The following THRB variants were observed in gnomAD, a reference collection of about 807,000 sequenced individuals.
The protein encoded by THRB is nuclear receptor subfamily 1 group A member 2.
In THRB, 12 loss-of-function variants were observed where a neutral mutation model predicts 47.8. The observed-to-expected ratio is 0.25, with a 90% CI of 0.16 to 0.41. The LOEUF (loss-of-function observed/expected upper bound fraction) is 0.41, where lower values mean the gene tolerates loss of function less well. Ranked by LOEUF, THRB falls within the 10% of genes least tolerant of loss-of-function variation. The pLI, the probability that THRB is intolerant of heterozygous loss-of-function variation, is 1.00. For missense variants in THRB, 348 were observed against 589.2 expected, an observed-to-expected ratio of 0.59 and a Z score of 4.24; for synonymous variants, 218 against 212.2, an observed-to-expected ratio of 1.03 and a Z score of -0.24.
intron 4 of THRB, among the ~76,000 whole-genome samples, chr3:24,200,495 T>G (rs990586981): frequency 6.6e-6 from 1 of 152,196 alleles, no homozygotes; most frequent in South Asian, 2.1e-4. Flanking sequence ...ATCTCAGTAC[T>G]TGGCAGCAAA....
chr3:24,344,405 C>T (rs2062872517), intron 1 of THRB, among the ~76,000 whole-genome samples: 1 of 151,962 alleles, frequency 6.6e-6, no homozygotes, highest in African/African-American at 2.4e-5. Flanking sequence ...TTCAGATAAG[C>T]CAAATTTGTT....
At chr3:24,297,106 A>G (rs2056511336) in intron 3 of THRB, 120 bp downstream of exon 3, 1 of 152,262 alleles carries the variant, frequency 6.6e-6, no homozygotes. Context: ...TCCATGGGTT[A>G]GAAAGGAGAC....
In THRB at chr3:24,280,583, C is replaced by T. The variant is rs537187130; in HGVS notation, c.-43+16643G>A. Reference sequence around the variant, plus strand: ...TCACCAGCAACAGAACAAAGCTGGACGGAGAATGACTTTGACAAGCTGAGA... The same window carrying T: ...TCACCAGCAACAGAACAAAGCTGGATGGAGAATGACTTTGACAAGCTGAGA... On this transcript the variant is annotated intron_variant, in intron 3 of 10. Transcript: ENST00000646209. Among the ~76,000 whole-genome samples the T allele has an allele frequency of 2.4e-3, 371 of 152,190 alleles. 1 individual carries two copies. Among genetic ancestry groups the T allele is most frequent in the African/African-American group, 3.6e-3 (149 of 41,522 alleles).
At chr3:24,422,544 C>G (rs1489033179) in intron 1 of THRB, among the ~76,000 whole-genome samples, 1 of 151,928 alleles carries the variant, frequency 6.6e-6, no homozygotes, top group Admixed American at 6.6e-5. Flanking sequence ...CCACTCTCCT[C>G]AATTTCCTCC....
chr3:24,130,903 T>A (rs2033756871), intron 9 of THRB, among the ~76,000 whole-genome samples: 1 of 152,208 alleles, frequency 6.6e-6, no homozygotes, highest in Admixed American at 6.5e-5. Flanking sequence ...ACAGAATTTA[T>A]GGTAGATGTA....
At chr3:24,417,663 T>A (rs2150249173) in intron 1 of THRB, among the ~76,000 whole-genome samples, 1 of 151,996 alleles carries the variant, frequency 6.6e-6, no homozygotes, top group East Asian at 2.0e-4. Flanking sequence ...AAGAAAATGA[T>A]TCCACATTGG....
intron 4 of THRB, among the ~76,000 whole-genome samples, chr3:24,209,846 A>G (rs2149835457): frequency 6.6e-6 from 1 of 152,206 alleles, no homozygotes; most frequent in Middle Eastern, 3.4e-3. Flanking sequence ...TAATTTTTGG[A>G]AAAAAAATCA....
intron 1 of THRB, among the ~76,000 whole-genome samples, chr3:24,453,679 T>C (rs927646580): frequency 6.6e-6 from 1 of 152,208 alleles, no homozygotes; most frequent in Non-Finnish European, 1.5e-5. Flanking sequence ...ACCACTCAAC[T>C]ACTTTCTGAA....
chr3:24,124,229 A>G (rs980405037), intron 10 of THRB, among the ~76,000 whole-genome samples: 10 of 152,218 alleles, frequency 6.6e-5, no homozygotes, highest in African/African-American at 2.2e-4. Flanking sequence ...TAAACAAACT[A>G]ACAAACCATA....
chr3:24,134,180 G>T (rs1464359311), intron 8 of THRB, among the ~76,000 whole-genome samples: 1 of 152,184 alleles, frequency 6.6e-6, no homozygotes, highest in Non-Finnish European at 1.5e-5. Flanking sequence ...GGTGTCACCA[G>T]GGGACTTCTT....
rs1013608973 is a variant in THRB at position 24,121,035 on chromosome 3, A to G, written c.*1849T>C. 1.3e-5 allele frequency: 2 copies of G among 152,242 alleles called. No individual in the cohort carries two copies. The highest frequency in any genetic ancestry group is 4.8e-5 in the African/African-American group (2 of 41,472). The allele number at this position is 152,242 out of a possible 1,614,324, so 9.4% of individuals were successfully genotyped here. A position where few individuals can be genotyped will look rare whatever the true frequency, so the allele number is the denominator to read the frequency against. The stretch of plus-strand genomic sequence containing the variant: ...TGTGTCAAATTATTATTTCGAGCCA[A>G]TAACAAATTTACGTTCCTTAACTGT... On this transcript the variant is annotated 3_prime_UTR_variant, in exon 11 of 11. Transcript: ENST00000646209.
intron 1 of THRB, among the ~76,000 whole-genome samples, chr3:24,411,644 C>T (rs761679745): frequency 2.6e-5 from 4 of 151,728 alleles, no homozygotes; most frequent in Non-Finnish European, 4.4e-5. Flanking sequence ...GAATCAATAA[C>T]TCTCAGTGGG....
intron 2 of THRB, among the ~76,000 whole-genome samples, chr3:24,305,311 T>G (rs1485810947): frequency 6.6e-6 from 1 of 152,204 alleles, no homozygotes; most frequent in Non-Finnish European, 1.5e-5. Flanking sequence ...TTCAAGTGCA[T>G]GCTAAAGTGT....
intron 4 of THRB, among the ~76,000 whole-genome samples, chr3:24,215,017 C>G (rs539235160): frequency 6.6e-6 from 1 of 152,224 alleles, no homozygotes; most frequent in Non-Finnish European, 1.5e-5. Context: ...CTTGACCTAT[C>G]CATCTTACAG....
chr3:24,495,286 C>T (rs910391393), upstream of THRB: 11 of 2,150 alleles, frequency 5.1e-3, no homozygotes, highest in Admixed American at 0.28. Context: ...AGGAAATGGC[C>T]TCCTGGCGCA....
intron 1 of THRB, among the ~76,000 whole-genome samples, chr3:24,364,056 C>T (rs1237034239): frequency 7.2e-5 from 11 of 152,174 alleles, no homozygotes; most frequent in African/African-American, 2.6e-4. Flanking sequence ...AGAATTCTAC[C>T]TAAGTCTTAA....
At position 24,140,119 on chromosome 3, in the gene THRB, A is replaced by G. The variant is rs141418824; in HGVS notation, c.738+3382T>C. Reference sequence around the variant, plus strand: ...CTAATTCACTACTCAAAAGAGTGAAATTTTCATCCTGAGCATAAATACTCA... The same window carrying G: ...CTAATTCACTACTCAAAAGAGTGAAGTTTTCATCCTGAGCATAAATACTCA... On this transcript the variant is annotated intron_variant, in intron 8 of 10. Transcript: ENST00000646209. Among the ~76,000 whole-genome samples the G allele has an allele frequency of 3.2e-3, 484 of 152,296 alleles. 4 individuals carry two copies. The highest frequency in any genetic ancestry group is 0.011 in the African/African-American group (456 of 41,566).
chr3:24,418,846 T>C (rs764211504), intron 1 of THRB, among the ~76,000 whole-genome samples: 22 of 152,114 alleles, frequency 1.4e-4, no homozygotes, highest in Non-Finnish European at 3.1e-4. Context: ...ACTACATTTT[T>C]TTCCTCATAG....
At chr3:24,373,835 T>A (rs1433959485) in intron 1 of THRB, among the ~76,000 whole-genome samples, 1 of 152,152 alleles carries the variant, frequency 6.6e-6, no homozygotes, top group Non-Finnish European at 1.5e-5. Context: ...CCAGTGGCCA[T>A]ACTGCAACCA....
Sources: gnomAD v4.1 joint callset for allele counts (sites outside exome capture counted in the v4.1 genomes callset) on GRCh38, gnomAD v4.1.1 for gene constraint, MANE v1.5 for transcripts, NCBI Gene and HGNC (gene_info 2026-07-23, HGNC 2026-07-21) for gene names.